The following DLG1 variants were observed in gnomAD, a reference collection of about 807,000 sequenced individuals.
The protein encoded by DLG1 is disks large homolog 1.
Under a neutral mutation model 123.4 loss-of-function variants are expected in DLG1, and 42 were observed. That is an observed-to-expected ratio of 0.34 (90% CI 0.27 to 0.44). The LOEUF (loss-of-function observed/expected upper bound fraction) is 0.44, where lower values mean the gene tolerates loss of function less well. DLG1 is among the 20% of genes least tolerant of loss of function. DLG1 has a pLI of 1.00. For missense variants in DLG1, 942 were observed against 1,082.6 expected (o/e 0.87, Z 1.82); for synonymous variants, 317 against 356.2 (o/e 0.89, Z 1.24).
At position 197,194,608 on chromosome 3, in the gene DLG1, T is replaced by A. The variant is rs752428515; in HGVS notation, c.319-19A>T. 2 of 1,562,518 alleles carry A rather than the reference T, an allele frequency of 1.3e-6. No individual in the cohort carries two copies. Among genetic ancestry groups the A allele is most frequent in the Non-Finnish European group, 1.7e-6 (2 of 1,159,500 alleles). On this transcript the variant is annotated intron_variant, in intron 4 of 24. Transcript: ENST00000667157. ...TGTATTTCTGTAAAGAAAATAAACA[T>A]GAAGAAGCCCTGATAAGCAACATGA... is the stretch of plus-strand genomic sequence containing the variant.
chr3:197,153,678 T>A (rs1015932781), intron 5 of DLG1, among the ~76,000 whole-genome samples: 8 of 152,118 alleles, frequency 5.3e-5, no homozygotes, highest in Non-Finnish European at 1.0e-4. Flanking sequence ...CCAATTCAAT[T>A]TTCTTTTTCC....
intron 5 of DLG1, among the ~76,000 whole-genome samples, chr3:197,159,800 A>G (rs1798051077): frequency 1.3e-5 from 2 of 152,228 alleles, no homozygotes; most frequent in Admixed American, 6.5e-5. Flanking sequence ...GTGTATTTAA[A>G]ACCTAAAGTG....
chr3:197,274,435 G>A (rs1167686778), intron 4 of DLG1, among the ~76,000 whole-genome samples: 3 of 151,842 alleles, frequency 2.0e-5, no homozygotes, highest in African/African-American at 4.8e-5. Flanking sequence ...ATATGAAAAC[G>A]TAACAAAAAA....
intron 4 of DLG1, among the ~76,000 whole-genome samples, chr3:197,218,406 TATGTAC>T (rs1253628044): frequency 1.3e-5 from 2 of 152,228 alleles, no homozygotes; most frequent in African/African-American, 4.8e-5. Flanking sequence ...GTTTCTTTTT[TATGTAC>T]TTTATCTCCA....
intron 18 of DLG1, among the ~76,000 whole-genome samples, chr3:197,071,159 AT>A (rs1295121231): frequency 6.6e-6 from 1 of 152,126 alleles, no homozygotes; most frequent in African/African-American, 2.4e-5. Context: ...TTACATTAGT[AT>A]TGGTATTACC....
intron 4 of DLG1, among the ~76,000 whole-genome samples, chr3:197,278,839 T>G (rs1767833780): frequency 6.6e-6 from 1 of 152,184 alleles, no homozygotes; most frequent in Non-Finnish European, 1.5e-5. Flanking sequence ...CAATCTTAAC[T>G]ACTTTTAGCA....
chr3:197,254,843 G>C (rs2150898933), intron 4 of DLG1, among the ~76,000 whole-genome samples: 1 of 152,250 alleles, frequency 6.6e-6, no homozygotes, highest in African/African-American at 2.4e-5. Context: ...GAGGTCAGGA[G>C]TTCAAGACAG....
chr3:197,295,620 T>C (rs771764423), intron 3 of DLG1, among the ~76,000 whole-genome samples: 1 of 152,152 alleles, frequency 6.6e-6, no homozygotes, highest in African/African-American at 2.4e-5. Flanking sequence ...ACACAAAATA[T>C]GAGATGATGC....
rs553939019 is a variant in DLG1 at position 197,091,040 on chromosome 3, AAG to A, written c.1547-16_1547-15del. The A allele has an allele frequency of 1.8e-3, 2,775 of 1,514,902 alleles. 5 individuals are homozygous for A. Among genetic ancestry groups the A allele is most frequent in the Admixed American group, 3.2e-3 (187 of 58,516 alleles). The allele number at this position is 1,514,902 out of a possible 1,614,324, so 93.8% of individuals were successfully genotyped here. ...AACGACTGTATTCTGATGGAAGAAA[AAG>A]AGAAATAAATTGATATATTTTCAAA... is the stretch of plus-strand genomic sequence containing the variant. On this transcript the variant is annotated splice_polypyrimidine_tract_variant and intron_variant, in intron 14 of 24. Coordinates refer to ENST00000667157, the MANE Select transcript of DLG1 (RefSeq NM_001366207.1).
At chr3:197,225,892 A>G (rs1433123716) in intron 4 of DLG1, 1 of 152,650 alleles carries the variant, frequency 6.6e-6, no homozygotes, top group African/African-American at 2.4e-5. Flanking sequence ...GTGCTGTTGG[A>G]GCATGCTACT....
intron 5 of DLG1, among the ~76,000 whole-genome samples, chr3:197,165,408 G>C (rs1470844291): frequency 6.6e-6 from 1 of 152,164 alleles, no homozygotes; most frequent in Admixed American, 6.5e-5. Flanking sequence ...CCCAGTCTGG[G>C]ATGATGAAAA....
At chr3:197,070,995 C>T (rs59494504) in intron 18 of DLG1, 38 of 152,126 alleles carry the variant, frequency 2.5e-4, no homozygotes, top group African/African-American at 8.9e-4. Flanking sequence ...ATTTACCTCG[C>T]TATTTATTAG....
chr3:197,066,785 T>C (rs1291882196), intron 19 of DLG1, 31 bp from the exon 20 acceptor site: 6 of 1,449,754 alleles, frequency 4.1e-6, no homozygotes, highest in African/African-American at 1.4e-5. Flanking sequence ...AGATGAAAAA[T>C]GTGTAAAGAT....
intron 3 of DLG1, among the ~76,000 whole-genome samples, chr3:197,289,375 A>ATTT (rs1247754605): frequency 7.5e-6 from 1 of 134,184 alleles, no homozygotes; most frequent in Non-Finnish European, 1.7e-5. Flanking sequence ...CACAAATAAC[A>ATTT]TTCCAGGATA....
intron 11 of DLG1, among the ~76,000 whole-genome samples, chr3:197,121,698 T>C (rs1776460076): frequency 6.6e-6 from 1 of 151,932 alleles, no homozygotes; most frequent in South Asian, 2.1e-4. Flanking sequence ...CCTATTTCTT[T>C]TACTATTCTT....
intron 4 of DLG1, among the ~76,000 whole-genome samples, chr3:197,237,594 C>T (rs1025163188): frequency 3.3e-5 from 5 of 152,224 alleles, no homozygotes; most frequent in African/African-American, 1.2e-4. Context: ...GAGGCTGTAA[C>T]AAGGTGTCCC....
rs887394192 is a variant in DLG1, at chr3:197,276,874, A to AT, written c.318+5804dup. 3.3e-5 allele frequency among the ~76,000 whole-genome samples: 5 copies of AT among 151,726 alleles called. No individual in the cohort carries two copies. In the East Asian group the frequency reaches 5.8e-4, roughly 18 times the overall value. On this transcript the variant is annotated intron_variant, in intron 4 of 24. Coordinates refer to ENST00000667157, the MANE Select transcript of DLG1 (RefSeq NM_001366207.1). ...TTCCTTATTAAAAATCAAAATTTTT[A>AT]TTTTTTTTAATTTTTAACTTTTTTT...
chr3:197,115,834 C>T, intron 13 of DLG1, 93 bp downstream of exon 13: 1 of 1,204,014 alleles, frequency 8.3e-7, no homozygotes, highest in Non-Finnish European at 1.2e-6. Flanking sequence ...AAGATATCCC[C>T]ATTACTTTAG....
chr3:197,082,769 A>T (rs1418207174), intron 16 of DLG1, among the ~76,000 whole-genome samples: 2 of 152,222 alleles, frequency 1.3e-5, no homozygotes, highest in Non-Finnish European at 2.9e-5. Flanking sequence ...TATATTCTGC[A>T]ATGCTACTCA....
Sources: allele counts gnomAD v4.1 joint callset (sites outside exome capture counted in the v4.1 genomes callset), GRCh38; gene constraint gnomAD v4.1.1; transcripts MANE v1.5; gene names NCBI Gene and HGNC (gene_info 2026-07-23, HGNC 2026-07-21).